SNED1: variants seen among roughly 807,000 people sequenced by gnomAD.
SNED1 encodes the protein sushi, nidogen and EGF-like domain-containing protein 1.
In SNED1, 81 loss-of-function variants were observed where a neutral mutation model predicts 166.7. That is an observed-to-expected ratio of 0.49 (90% confidence interval 0.41 to 0.58). The LOEUF (loss-of-function observed/expected upper bound fraction) is 0.58. Among genes scored for constraint, SNED1 ranks in the 20% least tolerant of loss-of-function variants. The pLI, the probability that SNED1 is intolerant of heterozygous loss-of-function variation, is 0.00. For synonymous variants in SNED1, 762 were observed against 822.0 expected (o/e 0.93, Z 1.25); for missense variants, 1,604 against 2,000.2 (o/e 0.80, Z 3.78).
intron 14 of SNED1, 67 bp from the exon 15 acceptor site, chr2:241,052,288 G>A: frequency 6.8e-7 from 1 of 1,466,152 alleles, no homozygotes; most frequent in Non-Finnish European, 9.4e-7. Context: ...CAGGAGGCAG[G>A]ATGCCCCACA....
At position 241,052,430 on chromosome 2, in the gene SNED1, A is replaced by G. The variant is rs750903400; in HGVS notation, c.2045A>G (p.His682Arg). ...CEDRDTDFFC[H>R]CQAGYMGRRC... The stretch of plus-strand genomic sequence containing the variant: ...GACCGGGACACGGATTTCTTCTGCC[A>G]CTGCCAAGCAGGGTACATGGGACGC... Residue 682 changes from histidine (H) to arginine (R), a missense_variant, in exon 15 of 32, where the codon CAC becomes CGC. Coordinates refer to ENST00000310397, the MANE Select transcript of SNED1 (RefSeq NM_001080437.3). 3.9e-5 allele frequency: 63 copies of G among 1,608,622 alleles called. No individual in the cohort carries two copies. The highest frequency in any genetic ancestry group is 5.2e-5 in the Non-Finnish European group (61 of 1,177,558).
chr2:241,081,912 G>A, intron 28 of SNED1, 119 bp downstream of exon 28: 1 of 757,910 alleles, frequency 1.3e-6, no homozygotes, highest in Non-Finnish European at 2.2e-6. Flanking sequence ...TGCCAGACAG[G>A]GAGTCTGGTG....
intron 2 of SNED1, among the ~76,000 whole-genome samples, chr2:241,032,916 G>A (rs574163901): frequency 2.6e-5 from 4 of 152,218 alleles, no homozygotes; most frequent in Middle Eastern, 3.4e-3. Flanking sequence ...TCTGCTGTAT[G>A]CGTTATAAAT....
chr2:241,065,829 C>G (rs968032617), intron 21 of SNED1, among the ~76,000 whole-genome samples: 1 of 151,994 alleles, frequency 6.6e-6, no homozygotes, highest in Non-Finnish European at 1.5e-5. Flanking sequence ...AGAATCGAGC[C>G]AAGAGTGGGA....
intron 1 of SNED1, among the ~76,000 whole-genome samples, chr2:241,024,753 ACT>A (rs1335316086): frequency 6.8e-6 from 1 of 146,706 alleles, no homozygotes; most frequent in Non-Finnish European, 1.5e-5. Context: ...CTTACTGCAA[ACT>A]CTGCCTCCCA....
chr2:241,044,790 G>C (rs760425724), intron 8 of SNED1, among the ~76,000 whole-genome samples: 9 of 152,106 alleles, frequency 5.9e-5, no homozygotes, highest in Non-Finnish European at 7.4e-5. Flanking sequence ...TCCCTTTCCT[G>C]TTGTTTTTCC....
In SNED1 at chr2:241,052,486, A is replaced by G. The variant is rs28529274; in HGVS notation, c.2083+18A>G. 92,175 of 1,446,120 alleles carry G rather than the reference A, an allele frequency of 0.064. 5,716 individuals carry two copies. Among genetic ancestry groups the G allele is most frequent in the East Asian group, 0.27 (9,682 of 35,988 alleles). 89.6% of individuals were successfully genotyped at this position (1,446,120 alleles called of 1,614,324 possible). A position where few individuals can be genotyped will look rare whatever the true frequency, so the allele number is the denominator to read the frequency against. On this transcript the variant is annotated intron_variant, in intron 15 of 31. Transcript: ENST00000310397. ...CCAGGCAGGTGAGAGGGTCAGGGGG[A>G]TCAAGCAGGGTACATGGGATACCAG... is the stretch of plus-strand genomic sequence containing the variant.
intron 27 of SNED1, chr2:241,074,813 C>T (rs1219627163): frequency 6.6e-6 from 1 of 152,196 alleles, no homozygotes; most frequent in Non-Finnish European, 1.5e-5. Flanking sequence ...AGAACCCAAC[C>T]TATAAACTTG....
chr2:241,015,403 G>C (rs939848916), intron 1 of SNED1, among the ~76,000 whole-genome samples: 2 of 152,048 alleles, frequency 1.3e-5, no homozygotes, highest in Admixed American at 6.5e-5. Flanking sequence ...TCATTTTCTG[G>C]TTATTGCTGG....
Position 240,998,724 on chromosome 2 carries a change from G to T in SNED1, c.-114G>T, listed in dbSNP as rs1239662143. 5.4e-5 allele frequency: 15 copies of T among 279,956 alleles called. No homozygotes were observed. The highest frequency in any genetic ancestry group is 7.5e-5 in the Non-Finnish European group (14 of 187,662). 17.3% of individuals were successfully genotyped at this position (279,956 alleles called of 1,614,324 possible). A position where few individuals can be genotyped will look rare whatever the true frequency, so the allele number is the denominator to read the frequency against. On this transcript the variant is annotated 5_prime_UTR_variant, in exon 1 of 32. Transcript: ENST00000310397. Reference sequence around the variant, plus strand: ...CGGAGCCCCCGACGGCGCGGCCAGCGGGCGCGCCCGCGCTCCCCGCACCCC... The same window carrying T: ...CGGAGCCCCCGACGGCGCGGCCAGCTGGCGCGCCCGCGCTCCCCGCACCCC...
Position 241,051,775 on chromosome 2 carries a change from C to A in SNED1, c.1767C>A (p.Cys589Ter). 1 of 1,546,956 alleles carries A rather than the reference C, an allele frequency of 6.5e-7. No homozygotes were observed. ...ARPHLCSSGP[C>*]RNGGTCKEAG... is the part of the protein sequence containing the mutation. The stretch of plus-strand genomic sequence containing the variant: ...CACACCTGTGCAGCTCAGGGCCCTG[C>A]CGGAACGGGGGCACGTGCAAGGAGG... The change falls in exon 13 of 32, where the codon TGC (cysteine) becomes TGA (stop). Residue 589 changes from cysteine to a stop codon, truncating the protein, a stop_gained. Coordinates refer to ENST00000310397, the MANE Select transcript of SNED1 (RefSeq NM_001080437.3). LOFTEE classifies it high-confidence loss of function. This position sits in a 1 kb window ranked among gnomAD's most constrained non-coding sequence, Gnocchi z 4.7.
chr2:241,056,728 C>G (rs1178814733), intron 16 of SNED1, among the ~76,000 whole-genome samples: 1 of 151,744 alleles, frequency 6.6e-6, no homozygotes, highest in Non-Finnish European at 1.5e-5. Flanking sequence ...CTACAGGCGC[C>G]CATCACCACG....
At chr2:241,015,993 T>A (rs2060571512) in intron 1 of SNED1, 1 of 150,202 alleles carries the variant, frequency 6.7e-6, no homozygotes, top group African/African-American at 2.5e-5. Flanking sequence ...CCTCTTCAGA[T>A]GATAATATGA....
At position 241,067,765 on chromosome 2, in the gene SNED1, A is replaced by T. The variant is rs764504310; in HGVS notation, c.3012A>T (p.Arg1004=). The change falls in exon 22 of 32, where the codon CGA becomes CGT. Residue 1004 remains arginine (R), a splice_region_variant and synonymous_variant. Transcript: ENST00000310397. ...SRPAVLLART[R]PRPVEGFEVT... Reference sequence around the variant, plus strand: ...TGCTGAACAGTCCATTCCCCCTAGGACCCCGCCCTGTGGAAGGCTTCGAGG... The same window carrying T: ...TGCTGAACAGTCCATTCCCCCTAGGTCCCCGCCCTGTGGAAGGCTTCGAGG... 1 of 1,605,346 alleles carries T rather than the reference A, an allele frequency of 6.2e-7. No individual in the cohort carries two copies. Among genetic ancestry groups the T allele is most frequent in the South Asian group, 1.1e-5 (1 of 90,660 alleles).
rs771175939 is a variant in SNED1, at chr2:241,069,870, G to A, written c.3308-50G>A. The A allele has an allele frequency of 2.5e-6, 4 of 1,582,918 alleles. No homozygotes were observed. In the Admixed American group the frequency reaches 6.9e-5, roughly 27 times the overall value. ...CGGTTCTCAAACCGTGTTCTTGCCA[G>A]AAGACCCTGTGGGCACCCCCTCACC... On this transcript the variant is annotated intron_variant, in intron 23 of 31. Coordinates refer to ENST00000310397, the MANE Select transcript of SNED1 (RefSeq NM_001080437.3). The surrounding 1 kb of genome is among the most constrained non-coding windows in gnomAD (Gnocchi z 4.9).
intron 2 of SNED1, among the ~76,000 whole-genome samples, chr2:241,032,189 A>C (rs2061195371): frequency 6.6e-6 from 1 of 152,056 alleles, no homozygotes; most frequent in South Asian, 2.1e-4. Flanking sequence ...CTCTCTACTA[A>C]AAATACCGAA....
chr2:241,040,600 C>A (rs556113288), intron 8 of SNED1, among the ~76,000 whole-genome samples, 187 bp downstream of exon 8: 4 of 152,220 alleles, frequency 2.6e-5, no homozygotes, highest in Non-Finnish European at 5.9e-5. Flanking sequence ...TCCTAAGCCA[C>A]CAACTGCAGG....
chr2:241,050,701 T>C (rs865897843), intron 12 of SNED1, among the ~76,000 whole-genome samples: 4 of 152,202 alleles, frequency 2.6e-5, no homozygotes, highest in African/African-American at 9.6e-5. Flanking sequence ...TTGCAAGCTC[T>C]GACGAGGTCT....
rs1197857379 is a variant in SNED1, at chr2:241,069,688, G to A, written c.3308-232G>A. ...GGCCAGGGCCTGGGGGCTTCACAGGGTGGATCCTAACCCGAGGGGAGGGTG... is the reference window on the plus strand; with the variant it reads ...GGCCAGGGCCTGGGGGCTTCACAGGATGGATCCTAACCCGAGGGGAGGGTG... On this transcript the variant is annotated intron_variant, in intron 23 of 31. Transcript: ENST00000310397. This position sits in a 1 kb window ranked among gnomAD's most constrained non-coding sequence, Gnocchi z 4.9. Among the ~76,000 whole-genome samples, 1 of 152,134 alleles carries A rather than the reference G, an allele frequency of 6.6e-6. No homozygotes were observed. The highest frequency in any genetic ancestry group is 1.5e-5 in the Non-Finnish European group (1 of 67,998).
Sources: allele counts gnomAD v4.1 joint callset (sites outside exome capture counted in the v4.1 genomes callset), GRCh38; gene constraint gnomAD v4.1.1; non-coding constraint Gnocchi (gnomAD v3.1); transcripts MANE v1.5; gene names NCBI Gene and HGNC (gene_info 2026-07-23, HGNC 2026-07-21).